The following MGRN1 variants were observed in gnomAD, a reference collection of about 807,000 sequenced individuals.
The protein encoded by MGRN1 is mahogunin ring finger 1.
Under a neutral mutation model 69.2 loss-of-function variants are expected in MGRN1, and 29 were observed. That is an observed-to-expected ratio of 0.42 (90% CI 0.31 to 0.57). The LOEUF (loss-of-function observed/expected upper bound fraction) is 0.57. Ranked by LOEUF, MGRN1 falls within the 20% of genes least tolerant of loss-of-function variation. The pLI is 0.15. For synonymous variants in MGRN1, 470 were observed against 344.2 expected (o/e 1.37, Z -4.04); for missense variants, 998 against 796.2 (o/e 1.25, Z -3.05).
At chr16:4,646,278 C>T (rs972498288) in intron 1 of MGRN1, among the ~76,000 whole-genome samples, 5 of 152,070 alleles carry the variant, frequency 3.3e-5, no homozygotes, top group African/African-American at 9.7e-5. Flanking sequence ...AAAAAATAAA[C>T]AAAAATGAGC....
intron 1 of MGRN1, among the ~76,000 whole-genome samples, chr16:4,629,445 T>G (rs549503431): frequency 4.6e-5 from 7 of 152,238 alleles, no homozygotes; most frequent in African/African-American, 1.7e-4. Context: ...GGAGTTATGT[T>G]TAAGAAATCT....
At chr16:4,664,891 T>C in intron 6 of MGRN1, 116 bp downstream of exon 6, 3 of 1,398,888 alleles carry the variant, frequency 2.1e-6, no homozygotes, top group Non-Finnish European at 3.0e-6. Context: ...GGCCTTGGGC[T>C]TCCCACAGGG....
intron 7 of MGRN1, among the ~76,000 whole-genome samples, chr16:4,666,648 C>T (rs2078812115): frequency 6.6e-6 from 1 of 152,182 alleles, no homozygotes; most frequent in South Asian, 2.1e-4. Context: ...GGCTCAGTGT[C>T]CTTGGGTGTC....
intron 4 of MGRN1, among the ~76,000 whole-genome samples, chr16:4,656,629 C>T (rs1596287771): frequency 6.6e-6 from 1 of 152,156 alleles, no homozygotes; most frequent in South Asian, 2.1e-4. Context: ...GCCTGTAATC[C>T]CAGCACTTTG....
chr16:4,680,503 C>T (rs1422134821), intron 12 of MGRN1: 3 of 184,040 alleles, frequency 1.6e-5, no homozygotes, highest in Non-Finnish European at 3.5e-5. Flanking sequence ...TTGGGCTGAG[C>T]TTTTTGGTTT....
chr16:4,668,324 G>A lies in MGRN1; in HGVS notation c.726+12G>A, dbSNP rs767289710. On this transcript the variant is annotated intron_variant, in intron 8 of 16. Coordinates refer to ENST00000262370, the MANE Select transcript of MGRN1 (RefSeq NM_015246.4). Reference sequence around the variant, plus strand: ...AGCAGAAGCAAATTGTAAGTCATCAGAGGAAATATGACGTGCTTGAATTAA... The same window carrying A: ...AGCAGAAGCAAATTGTAAGTCATCAAAGGAAATATGACGTGCTTGAATTAA... 5 of 1,613,336 alleles carry A rather than the reference G, an allele frequency of 3.1e-6. No homozygotes were observed. In the African/African-American group the frequency reaches 6.7e-5, roughly 22 times the overall value.
rs375493247 is a variant in MGRN1, at chr16:4,681,601, C to A, written c.1183C>A (p.Leu395Ile). The A allele has an allele frequency of 6.2e-7, 1 of 1,613,576 alleles. No homozygotes were observed. Among genetic ancestry groups the A allele is most frequent in the Non-Finnish European group, 8.5e-7 (1 of 1,180,014 alleles). Residue 395 changes from leucine (L) to isoleucine (I), a missense_variant, in exon 13 of 17, where the codon CTC becomes ATC. By Grantham distance (5) the Leu-to-Ile change is conservative. Coordinates refer to ENST00000262370, the MANE Select transcript of MGRN1 (RefSeq NM_015246.4). ...GYEPISLLEA[L>I]NGLRAVSPAI... ...CGAGCCCATCTCGCTGCTCGAGGCG[C>A]TCAACGGCCTCCGGGCTGTCTCCCC...
chr16:4,655,200 C>G (rs2078505452), intron 4 of MGRN1, among the ~76,000 whole-genome samples: 1 of 152,120 alleles, frequency 6.6e-6, no homozygotes, highest in African/African-American at 2.4e-5. Flanking sequence ...AGGGTGTGGG[C>G]TGAGGACACA....
At chr16:4,653,863 C>A (rs1359504283) in intron 4 of MGRN1, among the ~76,000 whole-genome samples, 1 of 152,160 alleles carries the variant, frequency 6.6e-6, no homozygotes, top group South Asian at 2.1e-4. Flanking sequence ...AGTGCTTCTC[C>A]TGCCTCAGCC....
intron 7 of MGRN1, among the ~76,000 whole-genome samples, chr16:4,665,434 T>C (rs888970823): frequency 5.3e-5 from 8 of 150,568 alleles, no homozygotes; most frequent in Non-Finnish European, 8.9e-5. Context: ...GCGTGATCTC[T>C]CTCGGCTCAC....
chr16:4,639,481 A>G (rs554766240), intron 1 of MGRN1, among the ~76,000 whole-genome samples: 2 of 152,162 alleles, frequency 1.3e-5, no homozygotes, highest in East Asian at 1.9e-4. Flanking sequence ...ATTGGGCATC[A>G]TTAGGCTGGG....
intron 16 of MGRN1, among the ~76,000 whole-genome samples, chr16:4,684,331 T>C (rs986300176): frequency 3.9e-5 from 6 of 152,218 alleles, no homozygotes; most frequent in African/African-American, 1.4e-4. Flanking sequence ...CCTGGTCCTA[T>C]CGTGGGCCCA....
chr16:4,668,849 C>CACACATAAACTCACATGTATACTCAT (rs2078872674), intron 8 of MGRN1, among the ~76,000 whole-genome samples: 1 of 152,094 alleles, frequency 6.6e-6, no homozygotes, highest in Non-Finnish European at 1.5e-5. Flanking sequence ...CATATACTCA[C>CACACATAAACTCACATGTATACTCAT]ACACATAAAC....
intron 1 of MGRN1, among the ~76,000 whole-genome samples, chr16:4,628,361 G>C (rs1262357963): frequency 4.7e-5 from 7 of 148,492 alleles, no homozygotes; most frequent in Non-Finnish European, 1.0e-4. Context: ...ACTCCAGCTG[G>C]GCGATAGAGT....
intron 4 of MGRN1, among the ~76,000 whole-genome samples, chr16:4,654,213 G>T (rs2078476901): frequency 6.6e-6 from 1 of 152,178 alleles, no homozygotes; most frequent in South Asian, 2.1e-4. Context: ...AATTCCAAGG[G>T]TTTGGAGTTC....
intron 13 of MGRN1, 46 bp downstream of exon 13, chr16:4,681,822 C>T (rs755764372): frequency 7.7e-6 from 12 of 1,564,140 alleles, no homozygotes; most frequent in South Asian, 6.8e-5. Context: ...TGTGGTGGCG[C>T]GCGTGCGGAG....
intron 5 of MGRN1, among the ~76,000 whole-genome samples, chr16:4,660,091 CAA>C (rs1377919413): frequency 6.6e-6 from 1 of 152,242 alleles, no homozygotes; most frequent in Non-Finnish European, 1.5e-5. Flanking sequence ...GGCTTAGCAT[CAA>C]GAGCGCAGCT....
chr16:4,690,863 C>T lies in MGRN1; in HGVS notation c.*1955C>T, dbSNP rs553801159. 1.5e-3 allele frequency: 218 copies of T among 144,922 alleles called. 1 individual carries two copies. Among genetic ancestry groups the T allele is most frequent in the Non-Finnish European group, 2.0e-3 (132 of 66,580 alleles). 9.0% of individuals were successfully genotyped at this position (144,922 alleles called of 1,614,324 possible). A position where few individuals can be genotyped will look rare whatever the true frequency, so the allele number is the denominator to read the frequency against. On this transcript the variant is annotated 3_prime_UTR_variant, in exon 17 of 17. Transcript: ENST00000262370. ...GCCAGAGCTTTGCGTGAAGTTCGGG[C>T]CGCAGAGTGGCCCGCTGGGACTCCC...
chr16:4,653,989 T>C (rs1223655241), intron 4 of MGRN1, among the ~76,000 whole-genome samples: 1 of 152,184 alleles, frequency 6.6e-6, no homozygotes, highest in Non-Finnish European at 1.5e-5. Context: ...CGACCTCAGG[T>C]GATCCACCTG....
Sources: gnomAD v4.1 joint callset for allele counts (sites outside exome capture counted in the v4.1 genomes callset) on GRCh38, gnomAD v4.1.1 for gene constraint, MANE v1.5 for transcripts, NCBI Gene and HGNC (gene_info 2026-07-23, HGNC 2026-07-21) for gene names.